The following DNAJC1 variants were observed in gnomAD, a reference collection of about 807,000 sequenced individuals.
The protein encoded by DNAJC1 is dnaJ homolog subfamily C member 1.
In DNAJC1, 58 loss-of-function variants were observed where a neutral mutation model predicts 76.6. The observed-to-expected ratio is 0.76, with a 90% CI of 0.61 to 0.94. The LOEUF is 0.94. Among genes scored for constraint, DNAJC1 ranks in the 40% least tolerant of loss-of-function variants. DNAJC1 has a pLI of 0.00. For synonymous variants in DNAJC1, 258 were observed against 267.9 expected, an observed-to-expected ratio of 0.96 and a Z score of 0.36; for missense variants, 689 against 677.3, an observed-to-expected ratio of 1.02 and a Z score of -0.19.
chr10:21,834,120 C>T (rs972908903), intron 8 of DNAJC1, among the ~76,000 whole-genome samples: 31 of 151,850 alleles, frequency 2.0e-4, no homozygotes, highest in African/African-American at 5.8e-4. Flanking sequence ...AAAAATTAAC[C>T]GGGCACGGTG....
At chr10:21,957,949 T>C (rs1031052283) in intron 1 of DNAJC1, among the ~76,000 whole-genome samples, 2 of 152,306 alleles carry the variant, frequency 1.3e-5, no homozygotes, top group Admixed American at 6.5e-5. Flanking sequence ...TAAAACAGGC[T>C]CATAATACCT....
At chr10:21,949,164 C>T (rs946122331) in intron 1 of DNAJC1, among the ~76,000 whole-genome samples, 2 of 152,052 alleles carry the variant, frequency 1.3e-5, no homozygotes, top group Admixed American at 6.6e-5. Context: ...AATAACTGTA[C>T]CTAACCAGTT....
chr10:21,847,370 T>C (rs1420996864), intron 8 of DNAJC1, among the ~76,000 whole-genome samples: 4 of 152,190 alleles, frequency 2.6e-5, no homozygotes, highest in Non-Finnish European at 5.9e-5. Context: ...TTTTGATGCA[T>C]GCATACATAT....
intron 1 of DNAJC1, among the ~76,000 whole-genome samples, chr10:21,998,266 T>C (rs1442408615): frequency 1.3e-5 from 2 of 151,450 alleles, no homozygotes; most frequent in Non-Finnish European, 1.5e-5. Flanking sequence ...GGCAGGTGCC[T>C]GTAATCCCAG....
chr10:21,845,051 T>C (rs907608396), intron 8 of DNAJC1, among the ~76,000 whole-genome samples: 1 of 152,146 alleles, frequency 6.6e-6, no homozygotes, highest in Non-Finnish European at 1.5e-5. Context: ...AAAATTTATA[T>C]GTGTACACAC....
intron 9 of DNAJC1, among the ~76,000 whole-genome samples, chr10:21,799,157 T>C (rs1834783123): frequency 6.6e-6 from 1 of 152,234 alleles, no homozygotes; most frequent in African/African-American, 2.4e-5. Flanking sequence ...AATTATGACC[T>C]GGTAAATATT....
At chr10:21,812,045 C>G (rs1291126654) in intron 8 of DNAJC1, among the ~76,000 whole-genome samples, 1 of 151,840 alleles carries the variant, frequency 6.6e-6, no homozygotes, top group Non-Finnish European at 1.5e-5. Flanking sequence ...ATTTGCATTT[C>G]CCAGATGACA....
intron 1 of DNAJC1, among the ~76,000 whole-genome samples, chr10:21,969,355 C>T (rs1246257526): frequency 1.3e-5 from 2 of 152,050 alleles, no homozygotes; most frequent in Middle Eastern, 3.4e-3. Context: ...AGCAACATTT[C>T]CAAAATAGGT....
chr10:21,952,795 T>C (rs1837621066), intron 1 of DNAJC1, among the ~76,000 whole-genome samples: 1 of 151,954 alleles, frequency 6.6e-6, no homozygotes, highest in Non-Finnish European at 1.5e-5. Context: ...AAAGACAGGG[T>C]CTCGCATATT....
chr10:21,969,446 A>T (rs144961689), intron 1 of DNAJC1, among the ~76,000 whole-genome samples: 2 of 152,294 alleles, frequency 1.3e-5, no homozygotes, highest in South Asian at 2.1e-4. Flanking sequence ...CTTCAGAAAT[A>T]CTGCATAGAG....
chr10:21,834,644 A>C (rs914533900), intron 8 of DNAJC1, among the ~76,000 whole-genome samples: 14 of 152,100 alleles, frequency 9.2e-5, no homozygotes, highest in African/African-American at 3.4e-4. Context: ...TTTCCAACGG[A>C]CTTAAAAAAC....
chr10:21,853,969 C>T (rs1835793963), intron 8 of DNAJC1, among the ~76,000 whole-genome samples: 1 of 151,680 alleles, frequency 6.6e-6, no homozygotes, highest in Admixed American at 6.6e-5. Context: ...ATAAGATTGT[C>T]CTTTGAAAGA....
At chr10:21,953,170 AT>A (rs905978352) in intron 1 of DNAJC1, among the ~76,000 whole-genome samples, 2 of 152,026 alleles carry the variant, frequency 1.3e-5, no homozygotes, top group African/African-American at 4.8e-5. Context: ...CTAGTTTTTA[AT>A]TTTTTTAGTT....
Position 21,852,320 on chromosome 10 carries a change from G to A in DNAJC1, c.978+29962C>T, listed in dbSNP as rs377695759. 2.6e-5 allele frequency among the ~76,000 whole-genome samples: 4 copies of A among 152,220 alleles called. No individual in the cohort carries two copies. In the East Asian group the frequency reaches 7.7e-4, roughly 29 times the overall value. ...CTGGTGGTTGTCACGGGCTGGTGGA[G>A]GTGGGCAATGAGAAGCAATTGCTCA... is the stretch of plus-strand genomic sequence containing the variant. On this transcript the variant is annotated intron_variant, in intron 8 of 11. Transcript: ENST00000376980.
chr10:21,977,808 A>G (rs1477272719), intron 1 of DNAJC1, among the ~76,000 whole-genome samples: 1 of 152,104 alleles, frequency 6.6e-6, no homozygotes, highest in Non-Finnish European at 1.5e-5. Context: ...GAGGGTTCCT[A>G]ATCAGTGTTT....
intron 9 of DNAJC1, among the ~76,000 whole-genome samples, chr10:21,776,482 T>C (rs2131624701): frequency 6.6e-6 from 1 of 152,334 alleles, no homozygotes; most frequent in Middle Eastern, 3.4e-3. Flanking sequence ...TTGGTCAACT[T>C]TCCACTTGAA....
In DNAJC1 at chr10:21,766,267, A is replaced by G; in HGVS notation, c.1141T>C (p.Ser381Pro). ...AKQLKDSVTC[S>P]PGMVRLSELK... ...AGAGGAAGTATGAACTCACCTGGGGAGCAGGTCACTGAATCCTTCAGTTGC... is the reference window on the plus strand; with the variant it reads ...AGAGGAAGTATGAACTCACCTGGGGGGCAGGTCACTGAATCCTTCAGTTGC... The change falls in exon 10 of 12, where the codon TCC (serine) becomes CCC (proline). Residue 381 changes from serine to proline, a missense_variant. Transcript: ENST00000376980. 3.1e-6 allele frequency: 5 copies of G among 1,611,952 alleles called. No homozygotes were observed. The highest frequency in any genetic ancestry group is 4.2e-6 in the Non-Finnish European group (5 of 1,178,034).
intron 1 of DNAJC1, among the ~76,000 whole-genome samples, chr10:21,992,514 C>T (rs1230416573): frequency 6.6e-6 from 1 of 151,734 alleles, no homozygotes; most frequent in African/African-American, 2.4e-5. Context: ...GATTGTGCCA[C>T]TGCACTCCAG....
intron 1 of DNAJC1, among the ~76,000 whole-genome samples, chr10:21,939,765 T>G (rs1008599000): frequency 2.0e-5 from 3 of 152,090 alleles, no homozygotes; most frequent in African/African-American, 7.2e-5. Flanking sequence ...CATTAAGCAG[T>G]ACTTGACTGT....
Sources: gnomAD v4.1 joint callset for allele counts (sites outside exome capture counted in the v4.1 genomes callset) on GRCh38, gnomAD v4.1.1 for gene constraint, MANE v1.5 for transcripts, NCBI Gene and HGNC (gene_info 2026-07-23, HGNC 2026-07-21) for gene names.